CNTN3: variants seen among roughly 807,000 people sequenced by gnomAD.
The protein encoded by CNTN3 is contactin-3.
CNTN3 carries 60 observed loss-of-function variants against 119.1 expected under a neutral mutation model. That is an observed-to-expected ratio of 0.50 (90% confidence interval 0.41 to 0.62). CNTN3 has a LOEUF of 0.62. Ranked by LOEUF, CNTN3 falls within the 20% of genes least tolerant of loss-of-function variation. The pLI is 0.00. For synonymous variants in CNTN3, 450 were observed against 438.7 expected, an observed-to-expected ratio of 1.03 and a Z score of -0.32; for missense variants, 1,101 against 1,242.4, an observed-to-expected ratio of 0.89 and a Z score of 1.71.
At chr3:74,454,283 T>G (rs1702219516) in intron 4 of CNTN3, among the ~76,000 whole-genome samples, 2 of 136,062 alleles carry the variant, frequency 1.5e-5, no homozygotes, top group South Asian at 5.4e-4. Context: ...CTTTGTCTCT[T>G]TTGATCTTTG....
intron 1 of CNTN3, among the ~76,000 whole-genome samples, chr3:74,522,407 T>A (rs79700710): frequency 6.6e-6 from 1 of 151,898 alleles, no homozygotes; most frequent in African/African-American, 2.4e-5. Flanking sequence ...AGTAGTAACA[T>A]TGACCTTTAA....
intron 12 of CNTN3, among the ~76,000 whole-genome samples, chr3:74,335,408 T>G (rs1031435048): frequency 6.6e-6 from 1 of 152,122 alleles, no homozygotes; most frequent in Non-Finnish European, 1.5e-5. Context: ...TGCTAATTAA[T>G]GTCTGTTTTT....
At chr3:74,499,254 C>T (rs1703119443) in intron 3 of CNTN3, among the ~76,000 whole-genome samples, 1 of 151,802 alleles carries the variant, frequency 6.6e-6, no homozygotes, top group Non-Finnish European at 1.5e-5. Context: ...ATTGAACCTC[C>T]AAGCACATAT....
intron 2 of CNTN3, among the ~76,000 whole-genome samples, chr3:74,512,311 C>G (rs1038436449): frequency 6.6e-5 from 10 of 152,058 alleles, no homozygotes; most frequent in African/African-American, 2.2e-4. Context: ...GTTGTGAATA[C>G]TGGTACCTGT....
chr3:74,365,296 CA>C lies in CNTN3; in HGVS notation c.1083+269del, dbSNP rs1704162869. On this transcript the variant is annotated intron_variant, in intron 9 of 22. Coordinates refer to ENST00000263665, the MANE Select transcript of CNTN3 (RefSeq NM_020872.3). ...GTAAGGCCTTCTCTAATTTCAATAC[CA>C]AAAAAACGGTAGATTATTTTACAGA... Among the ~76,000 whole-genome samples the C allele has an allele frequency of 2.0e-5, 3 of 151,868 alleles. No individual in the cohort carries two copies. The South Asian group carries it at 6.2e-4, about 32-fold the overall frequency.
intron 5 of CNTN3, among the ~76,000 whole-genome samples, chr3:74,375,414 A>G (rs1018397672): frequency 2.0e-5 from 3 of 152,156 alleles, no homozygotes; most frequent in Non-Finnish European, 2.9e-5. Context: ...AGGCAGAATA[A>G]ATGTCCCCAG....
intron 1 of CNTN3, among the ~76,000 whole-genome samples, chr3:74,537,739 T>A (rs374352226): frequency 6.6e-6 from 1 of 152,072 alleles, no homozygotes. Flanking sequence ...ACTGAGACTA[T>A]TCAACAAAAG....
At chr3:74,600,016 GA>G (rs1337530301) in intron 1 of CNTN3, among the ~76,000 whole-genome samples, 1 of 152,020 alleles carries the variant, frequency 6.6e-6, no homozygotes, top group African/African-American at 2.4e-5. Flanking sequence ...CAATGAAAAG[GA>G]AAGCACAGTT....
At chr3:74,334,038 G>C (rs1353974863) in intron 13 of CNTN3, among the ~76,000 whole-genome samples, 11 of 152,146 alleles carry the variant, frequency 7.2e-5, no homozygotes, top group African/African-American at 2.7e-4. Context: ...AGCCTGGGTG[G>C]CTCACCAGCA....
rs778176512 is a variant in CNTN3 at position 74,486,464 on chromosome 3, T to C, written c.350A>G (p.Gln117Arg). ...GTIVSREAKL[Q>R]FAYLENFKTK... is the part of the protein sequence containing the mutation. Reference sequence around the variant, plus strand: ...TGTGAACATAAACTTACAGGCAAACTGAAGTTTGGCTTCTCTGCTGACAAT... The same window carrying C: ...TGTGAACATAAACTTACAGGCAAACCGAAGTTTGGCTTCTCTGCTGACAAT... Residue 117 changes from glutamine (Q) to arginine (R), a missense_variant, in exon 4 of 23, where the codon CAG becomes CGG. Physicochemically the swap from Gln to Arg is conservative, Grantham distance 43. Coordinates refer to ENST00000263665, the MANE Select transcript of CNTN3 (RefSeq NM_020872.3). The C allele has an allele frequency of 1.4e-5, 23 of 1,599,412 alleles. No homozygotes were observed. The highest frequency in any genetic ancestry group is 2.2e-5 in the East Asian group (1 of 44,532).
intron 4 of CNTN3, among the ~76,000 whole-genome samples, chr3:74,440,917 C>T (rs1559602842): frequency 2.0e-5 from 3 of 152,036 alleles, no homozygotes; most frequent in African/African-American, 7.2e-5. Context: ...TATGTAAATA[C>T]CATGCCATTA....
At chr3:74,552,400 G>T (rs1389056732) in intron 1 of CNTN3, among the ~76,000 whole-genome samples, 1 of 152,074 alleles carries the variant, frequency 6.6e-6, no homozygotes, top group Non-Finnish European at 1.5e-5. Flanking sequence ...TGGCTGTACC[G>T]TTTTACATTG....
rs146621213 is a variant in CNTN3, at chr3:74,296,948, C to A, written c.2401+1009G>T. ...TATGAAATGGCAATTTTGCATAATT[C>A]TTTTACCTTGATTATTTTCTAAAGC... On this transcript the variant is annotated intron_variant, in intron 18 of 22. Transcript: ENST00000263665. Among the ~76,000 whole-genome samples, 3 of 149,356 alleles carry A rather than the reference C, an allele frequency of 2.0e-5. No homozygotes were observed. The East Asian group carries it at 5.9e-4, about 30-fold the overall frequency.
intron 5 of CNTN3, among the ~76,000 whole-genome samples, chr3:74,423,499 C>T (rs1339231867): frequency 1.3e-5 from 2 of 152,152 alleles, no homozygotes; most frequent in Non-Finnish European, 2.9e-5. Context: ...CATCCACTAA[C>T]CCCACACCCC....
intron 20 of CNTN3, among the ~76,000 whole-genome samples, chr3:74,270,805 G>A (rs1011676375): frequency 2.0e-5 from 3 of 152,022 alleles, no homozygotes; most frequent in East Asian, 3.9e-4. Context: ...TTTGGAAATC[G>A]TTTGTCAACG....
chr3:74,607,517 C>T (rs941148313), intron 1 of CNTN3, among the ~76,000 whole-genome samples: 2 of 152,162 alleles, frequency 1.3e-5, no homozygotes, highest in African/African-American at 4.8e-5. Context: ...CCTGCCCAAG[C>T]CTGACCACAC....
At chr3:74,482,150 G>A (rs1702774265) in intron 4 of CNTN3, among the ~76,000 whole-genome samples, 1 of 151,966 alleles carries the variant, frequency 6.6e-6, no homozygotes, top group Middle Eastern at 3.4e-3. Flanking sequence ...ACTTTTAGAG[G>A]TGAAAATAAC....
rs533856175 is a variant in CNTN3, at chr3:74,441,188, G to GA, written c.359-16249dup. On this transcript the variant is annotated intron_variant, in intron 4 of 22. Coordinates refer to ENST00000263665, the MANE Select transcript of CNTN3 (RefSeq NM_020872.3). ...TAGGCCTTTAAAAACATCTAACCCA[G>GA]AAAAAACCCATCAACCTAATATACA... Among the ~76,000 whole-genome samples the GA allele has an allele frequency of 4.3e-3, 651 of 151,938 alleles. 2 individuals carry two copies. The highest frequency in any genetic ancestry group is 6.8e-3 in the Middle Eastern group (2 of 294).
chr3:74,554,274 T>C (rs1487288427), intron 1 of CNTN3, among the ~76,000 whole-genome samples: 1 of 152,226 alleles, frequency 6.6e-6, no homozygotes, highest in Non-Finnish European at 1.5e-5. Context: ...TCCATTGGTC[T>C]ATATATCTGT....
Sources: gnomAD v4.1 joint callset for allele counts (sites outside exome capture counted in the v4.1 genomes callset) on GRCh38, gnomAD v4.1.1 for gene constraint, MANE v1.5 for transcripts, NCBI Gene and HGNC (gene_info 2026-07-23, HGNC 2026-07-21) for gene names.